The following CNBD1 variants were observed in gnomAD, a reference collection of about 807,000 sequenced individuals.
CNBD1 encodes the protein cyclic nucleotide binding domain containing 1.
A neutral mutation model predicts 54.4 loss-of-function variants in CNBD1; 71 were observed. The observed-to-expected ratio is 1.30, with a 90% CI of 1.08 to 1.59. The LOEUF (loss-of-function observed/expected upper bound fraction) is 1.59. Among genes scored for constraint, CNBD1 ranks in the 40% most tolerant of loss-of-function variants. CNBD1 has a pLI of 0.00. For missense variants in CNBD1, 659 were observed against 518.0 expected (o/e 1.27, Z -2.64); for synonymous variants, 182 against 170.7 (o/e 1.07, Z -0.51).
chr8:87,236,408 G>T (rs1807585413), intron 5 of CNBD1, among the ~76,000 whole-genome samples: 1 of 151,982 alleles, frequency 6.6e-6, no homozygotes, highest in Non-Finnish European at 1.5e-5. Flanking sequence ...CTTCTTTCTA[G>T]TAATAATCAG....
At chr8:86,890,893 T>A (rs572830603) in intron 2 of CNBD1, among the ~76,000 whole-genome samples, 15 of 152,236 alleles carry the variant, frequency 9.9e-5, no homozygotes, top group Admixed American at 2.6e-4. Context: ...TATACATATG[T>A]CTTCTTTGGT....
intron 4 of CNBD1, among the ~76,000 whole-genome samples, chr8:86,949,858 A>G (rs565337699): frequency 3.0e-4 from 45 of 150,628 alleles, no homozygotes; most frequent in Non-Finnish European, 5.3e-4. Flanking sequence ...TCTGTCATAT[A>G]TAGCTTATAT....
intron 3 of CNBD1, among the ~76,000 whole-genome samples, chr8:86,930,114 G>A (rs188109991): frequency 2.0e-5 from 3 of 152,252 alleles, no homozygotes. Context: ...GAGTGGCCTG[G>A]CCATCTCGCT....
intron 2 of CNBD1, among the ~76,000 whole-genome samples, chr8:86,889,336 T>C (rs1808730847): frequency 6.6e-6 from 1 of 152,144 alleles, no homozygotes; most frequent in Admixed American, 6.5e-5. Context: ...CTTTAGACAA[T>C]TTACCAGAAA....
chr8:86,905,961 T>G (rs539248770), intron 3 of CNBD1, among the ~76,000 whole-genome samples: 76 of 152,322 alleles, frequency 5.0e-4, no homozygotes, highest in African/African-American at 1.8e-3. Context: ...TTCACATCCT[T>G]GGCTACCCCA....
At chr8:87,407,582 C>T (rs1252634955) in intron 2 of CNBD1, among the ~76,000 whole-genome samples, 1 of 151,936 alleles carries the variant, frequency 6.6e-6, no homozygotes, top group Non-Finnish European at 1.5e-5. Context: ...AACAATTTTT[C>T]AGATTGATTT....
chr8:86,999,670 C>CACT (rs1279537785), intron 4 of CNBD1, among the ~76,000 whole-genome samples: 1 of 152,204 alleles, frequency 6.6e-6, no homozygotes, highest in African/African-American at 2.4e-5. Flanking sequence ...ACATAGCAGA[C>CACT]ACTAATCCCT....
rs574985177 is a variant in CNBD1 at position 87,372,188 on chromosome 8, C to A, written c.1304-10432C>A. Among the ~76,000 whole-genome samples the A allele has an allele frequency of 6.4e-4, 97 of 151,780 alleles. 1 individual carries two copies. The South Asian group carries it at 0.011, about 17-fold the overall frequency. On this transcript the variant is annotated intron_variant, in intron 10 of 10. Transcript: ENST00000518476. ...CAAAAATCACAAGCATTCTTATACACCAATAACAGACAAACAGAGAGCCAA... is the reference window on the plus strand; with the variant it reads ...CAAAAATCACAAGCATTCTTATACAACAATAACAGACAAACAGAGAGCCAA...
chr8:87,339,607 A>C (rs1478746261), intron 8 of CNBD1, among the ~76,000 whole-genome samples: 8 of 152,142 alleles, frequency 5.3e-5, no homozygotes, highest in Non-Finnish European at 7.3e-5. Flanking sequence ...CAGGAACCAT[A>C]AATCTCATTT....
chr8:87,244,164 G>A (rs1807757187), intron 6 of CNBD1, among the ~76,000 whole-genome samples: 1 of 152,242 alleles, frequency 6.6e-6, no homozygotes, highest in East Asian at 1.9e-4. Flanking sequence ...AAGTACATTG[G>A]TCCCATCCAG....
chr8:87,114,973 C>A (rs992709313), intron 4 of CNBD1, among the ~76,000 whole-genome samples: 4 of 152,108 alleles, frequency 2.6e-5, no homozygotes, highest in Non-Finnish European at 5.9e-5. Context: ...ATACAACCAA[C>A]TCAATAGAAT....
At chr8:86,909,646 A>C (rs1809071873) in intron 3 of CNBD1, among the ~76,000 whole-genome samples, 2 of 152,318 alleles carry the variant, frequency 1.3e-5, no homozygotes, top group South Asian at 4.1e-4. Context: ...TACTCAGAAT[A>C]TGTAAACTGC....
intron 4 of CNBD1, among the ~76,000 whole-genome samples, chr8:87,126,756 A>C (rs1438500119): frequency 6.6e-6 from 1 of 151,960 alleles, no homozygotes; most frequent in African/African-American, 2.4e-5. Flanking sequence ...TTATTCTAGA[A>C]GTTTTATAGT....
chr8:87,288,366 T>G (rs1222819765), intron 8 of CNBD1, among the ~76,000 whole-genome samples: 3 of 152,082 alleles, frequency 2.0e-5, no homozygotes, highest in Non-Finnish European at 4.4e-5. Flanking sequence ...TCCTTGCCTC[T>G]CTTCCATGCT....
intron 6 of CNBD1, among the ~76,000 whole-genome samples, chr8:87,267,317 A>G (rs541620282): frequency 6.6e-6 from 1 of 152,322 alleles, no homozygotes; most frequent in East Asian, 1.9e-4. Flanking sequence ...TCAGTAAATA[A>G]CAAAAATGTA....
intron 3 of CNBD1, among the ~76,000 whole-genome samples, chr8:86,932,201 C>T (rs1809469051): frequency 6.6e-6 from 1 of 152,178 alleles, no homozygotes; most frequent in Non-Finnish European, 1.5e-5. Context: ...CGAAGGTTTG[C>T]CCTAGACCCT....
At chr8:87,143,657 TA>T (rs1395232886) in intron 4 of CNBD1, among the ~76,000 whole-genome samples, 3 of 152,132 alleles carry the variant, frequency 2.0e-5, no homozygotes, top group Non-Finnish European at 4.4e-5. Flanking sequence ...TCAGAGCATT[TA>T]AAAAATAGAT....
chr8:87,156,120 G>A (rs1170232377), intron 4 of CNBD1, among the ~76,000 whole-genome samples: 1 of 151,316 alleles, frequency 6.6e-6, no homozygotes, highest in Non-Finnish European at 1.5e-5. Context: ...GAAGCATGGT[G>A]CTGAAATAAA....
intron 2 of CNBD1, among the ~76,000 whole-genome samples, chr8:87,391,557 G>C (rs1445558060): frequency 6.6e-6 from 1 of 151,682 alleles, no homozygotes; most frequent in Non-Finnish European, 1.5e-5. Flanking sequence ...TTTATGCCTA[G>C]TTGATTTTTT....
Sources: gnomAD v4.1 joint callset for allele counts (sites outside exome capture counted in the v4.1 genomes callset) on GRCh38, gnomAD v4.1.1 for gene constraint, MANE v1.5 for transcripts, NCBI Gene and HGNC (gene_info 2026-07-23, HGNC 2026-07-21) for gene names.